The following PTGER3 variants were observed in gnomAD, a reference collection of about 807,000 sequenced individuals.
PTGER3 encodes prostaglandin E receptor 3.
In PTGER3, 22 loss-of-function variants were observed where a neutral mutation model predicts 34.7. The observed-to-expected ratio is 0.63, with a 90% CI of 0.45 to 0.91. The LOEUF (loss-of-function observed/expected upper bound fraction) is 0.91. Among genes scored for constraint, PTGER3 ranks in the 40% least tolerant of loss-of-function variants. The pLI, the probability that PTGER3 is intolerant of heterozygous loss-of-function variation, is 0.00. For synonymous variants in PTGER3, 241 were observed against 230.1 expected, an observed-to-expected ratio of 1.05 and a Z score of -0.43; for missense variants, 468 against 519.4, an observed-to-expected ratio of 0.90 and a Z score of 0.96.
intron 4 of PTGER3, among the ~76,000 whole-genome samples, chr1:70,945,631 C>G (rs1650156596): frequency 6.6e-6 from 1 of 151,954 alleles, no homozygotes. Flanking sequence ...TGCTTCATGT[C>G]AAGTTAAGAA....
At chr1:71,010,562 C>T in intron 2 of PTGER3, 1 of 984,516 alleles carries the variant, frequency 1.0e-6, no homozygotes, top group Non-Finnish European at 1.2e-6. Context: ...GGTCACAGGA[C>T]CAACCAAGAG....
chr1:71,017,725 C>G (rs1474499073), intron 1 of PTGER3, among the ~76,000 whole-genome samples: 1 of 152,190 alleles, frequency 6.6e-6, no homozygotes, highest in Non-Finnish European at 1.5e-5. Context: ...ACCATGATCA[C>G]AAGTTTCTTG....
downstream of PTGER3, chr1:70,951,372 A>C (rs1387427250): frequency 6.6e-6 from 1 of 152,216 alleles, no homozygotes; most frequent in African/African-American, 2.4e-5. Context: ...GGTGTAGGAA[A>C]GGTCATGTAA....
intron 2 of PTGER3, among the ~76,000 whole-genome samples, chr1:70,987,975 T>G (rs560338805): frequency 1.3e-5 from 2 of 152,270 alleles, no homozygotes; most frequent in South Asian, 4.1e-4. Flanking sequence ...TAGTGTAAAT[T>G]GTATGTAGTT....
intron 4 of PTGER3, among the ~76,000 whole-genome samples, chr1:70,931,584 T>A (rs1648701966): frequency 1.3e-5 from 2 of 152,194 alleles, no homozygotes; most frequent in African/African-American, 4.8e-5. Flanking sequence ...ATTCCTGACT[T>A]CTGTGCACCT....
chr1:70,859,955 T>C (rs937958527), intron 4 of PTGER3, among the ~76,000 whole-genome samples: 5 of 151,828 alleles, frequency 3.3e-5, no homozygotes, highest in African/African-American at 1.2e-4. Flanking sequence ...TGAGACAAGA[T>C]AATAAAACTG....
chr1:71,032,878 G>A (rs549591547), intron 1 of PTGER3, among the ~76,000 whole-genome samples: 45 of 152,244 alleles, frequency 3.0e-4, no homozygotes, highest in Non-Finnish European at 4.7e-4. Flanking sequence ...ACCAGAACCC[G>A]TTTAGAAAGA....
At chr1:71,006,202 A>G (rs887674600) in intron 2 of PTGER3, 48 of 985,292 alleles carry the variant, frequency 4.9e-5, no homozygotes, top group Non-Finnish European at 5.8e-5. Context: ...TAGAGACAAT[A>G]AGATCTGGTC....
intron 4 of PTGER3, among the ~76,000 whole-genome samples, chr1:70,873,637 G>A (rs532619146): frequency 2.7e-5 from 4 of 149,316 alleles, no homozygotes; most frequent in African/African-American, 4.9e-5. Flanking sequence ...CTTTAGTGGC[G>A]ATATGTGAGG....
chr1:70,979,379 G>T (rs970409925), intron 2 of PTGER3, among the ~76,000 whole-genome samples: 2 of 151,470 alleles, frequency 1.3e-5, no homozygotes, highest in Admixed American at 1.3e-4. Context: ...CAGGCTTCTG[G>T]TGCCTAATTC....
At chr1:70,855,997 T>C (rs999545710) in intron 4 of PTGER3, among the ~76,000 whole-genome samples, 1 of 151,988 alleles carries the variant, frequency 6.6e-6, no homozygotes, top group African/African-American at 2.4e-5. Context: ...TCACGGTAGA[T>C]TAAAAAGTTT....
intron 2 of PTGER3, among the ~76,000 whole-genome samples, chr1:70,992,799 C>T (rs1211169283): frequency 6.6e-6 from 1 of 152,196 alleles, no homozygotes; most frequent in Non-Finnish European, 1.5e-5. Flanking sequence ...ATATTTCCCT[C>T]TGAGAAGCAG....
At chr1:70,911,214 C>T (rs1647053939) in intron 4 of PTGER3, among the ~76,000 whole-genome samples, 1 of 151,034 alleles carries the variant, frequency 6.6e-6, no homozygotes, top group Admixed American at 6.6e-5. Context: ...CACTGGTAGA[C>T]CCGCAGAGAG....
chr1:70,981,364 T>C (rs1424401535), intron 2 of PTGER3, among the ~76,000 whole-genome samples: 3 of 115,372 alleles, frequency 2.6e-5, no homozygotes, highest in African/African-American at 1.0e-4. Flanking sequence ...TCTTTCTTTC[T>C]TTCTTTCTTT....
At chr1:71,002,967 T>C (rs1302209762) in intron 2 of PTGER3, among the ~76,000 whole-genome samples, 6 of 152,346 alleles carry the variant, frequency 3.9e-5, no homozygotes, top group South Asian at 2.1e-4. Flanking sequence ...ATCCAGAATG[T>C]AGGATGCTTT....
At chr1:70,981,383 CTTT>C (rs1557709125) in intron 2 of PTGER3, among the ~76,000 whole-genome samples, 4,731 of 76,926 alleles carry the variant, frequency 0.062, 118 homozygotes, top group Non-Finnish European at 0.076. Context: ...TTCTTTCTTT[CTTT>C]CTTTCTTTCC....
intron 2 of PTGER3, among the ~76,000 whole-genome samples, chr1:70,991,582 G>A (rs1391345544): frequency 6.6e-6 from 1 of 152,142 alleles, no homozygotes; most frequent in African/African-American, 2.4e-5. Context: ...CAGTCTCTGA[G>A]GTGGGCCCAG....
At chr1:70,985,491 T>C (rs1654830695) in intron 2 of PTGER3, among the ~76,000 whole-genome samples, 1 of 152,114 alleles carries the variant, frequency 6.6e-6, no homozygotes, top group Non-Finnish European at 1.5e-5. Context: ...AAATGCAGAA[T>C]GTTGGCGAAC....
chr1:70,996,349 T>C, intron 2 of PTGER3, among the ~76,000 whole-genome samples: 1 of 152,180 alleles, frequency 6.6e-6, no homozygotes, highest in Admixed American at 6.5e-5. Flanking sequence ...ATAATGTCTT[T>C]AAGAATAATT....
Sources: gnomAD v4.1 joint callset for allele counts (sites outside exome capture counted in the v4.1 genomes callset) on GRCh38, gnomAD v4.1.1 for gene constraint, MANE v1.5 for transcripts, NCBI Gene and HGNC (gene_info 2026-07-23, HGNC 2026-07-21) for gene names.